Variants in FANCI observed in about 807,000 individuals in gnomAD.
FANCI encodes Fanconi anemia group I protein.
In FANCI, 156 loss-of-function variants were observed where a neutral mutation model predicts 176.1. That is an observed-to-expected ratio of 0.89 (90% CI 0.78 to 1.01). The LOEUF (loss-of-function observed/expected upper bound fraction) is 1.01, where lower values mean the gene tolerates loss of function less well. Among genes scored for constraint, FANCI ranks in the 50% least tolerant of loss-of-function variants. The pLI, the probability that FANCI is intolerant of heterozygous loss-of-function variation, is 0.00. For missense variants in FANCI, 1,678 were observed against 1,534.1 expected, an observed-to-expected ratio of 1.09 and a Z score of -1.57; for synonymous variants, 613 against 541.7, an observed-to-expected ratio of 1.13 and a Z score of -1.83.
intron 2 of FANCI, among the ~76,000 whole-genome samples, chr15:89,253,135 T>C (rs2052335241): frequency 6.6e-6 from 1 of 152,026 alleles, no homozygotes; most frequent in Non-Finnish European, 1.5e-5. Flanking sequence ...GAATAGGTAA[T>C]GCATAAGAAT....
At chr15:89,255,514 C>T (rs2052453963) in intron 2 of FANCI, among the ~76,000 whole-genome samples, 2 of 152,038 alleles carry the variant, frequency 1.3e-5, no homozygotes, top group African/African-American at 4.8e-5. Flanking sequence ...CAGAATATCA[C>T]CAATGAGGGA....
At chr15:89,297,652 GAGGCAGGAGAATC>G (rs2054353859) in intron 24 of FANCI, among the ~76,000 whole-genome samples, 1 of 151,992 alleles carries the variant, frequency 6.6e-6, no homozygotes, top group Non-Finnish European at 1.5e-5. Flanking sequence ...TCGGCAGGCT[GAGGCAGGAGAATC>G]AGGCAGGGAG....
At chr15:89,314,053 T>TCA (rs2055088358) in intron 35 of FANCI, among the ~76,000 whole-genome samples, 1 of 51,124 alleles carries the variant, frequency 2.0e-5, no homozygotes, top group African/African-American at 1.0e-4. Flanking sequence ...AGATATATAA[T>TCA]CACAGACACA....
At chr15:89,273,309 TTAAAAAAAA>T (rs2053270405) in intron 10 of FANCI, 59 bp from the exon 11 acceptor site, 17 of 752,604 alleles carry the variant, frequency 2.3e-5, no homozygotes, top group East Asian at 1.4e-4. Flanking sequence ...CTTTTTTTTT[TTAAAAAAAA>T]AAAAAAAAGA....
chr15:89,278,160 T>G (rs2053477511), intron 13 of FANCI, among the ~76,000 whole-genome samples: 1 of 152,224 alleles, frequency 6.6e-6, no homozygotes, highest in African/African-American at 2.4e-5. Context: ...GTCTGAGGTC[T>G]GAACGAATTA....
chr15:89,276,987 G>T, intron 13 of FANCI, 96 bp downstream of exon 13: 1 of 1,253,464 alleles, frequency 8.0e-7, no homozygotes, highest in South Asian at 1.2e-5. Context: ...AAGGAAATTT[G>T]AGTATGTATT....
chr15:89,256,772 G>A (rs928176236), intron 2 of FANCI, among the ~76,000 whole-genome samples: 1 of 152,118 alleles, frequency 6.6e-6, no homozygotes, highest in African/African-American at 2.4e-5. Context: ...GGTAGATCCT[G>A]GAAATTTAGT....
At chr15:89,316,249 A>C in intron 37 of FANCI, 148 bp from the exon 38 acceptor site, 1 of 804,566 alleles carries the variant, frequency 1.2e-6, no homozygotes, top group Non-Finnish European at 2.1e-6. Flanking sequence ...CTTCAACAAC[A>C]TAATTACCTC....
rs747353217 is a variant in FANCI at position 89,300,391 on chromosome 15, A to G, written c.2889+6A>G. 1 of 1,612,358 alleles carries G rather than the reference A, an allele frequency of 6.2e-7. No individual in the cohort carries two copies. Among genetic ancestry groups the G allele is most frequent in the South Asian group, 1.1e-5 (1 of 91,024 alleles). ...TCCAGATCCGGCAATTTCAGGTGAG[A>G]AGCCTTGCAAAGCTGCTGTACTGGC... is the stretch of plus-strand genomic sequence containing the variant. On this transcript the variant is annotated splice_donor_region_variant and intron_variant, in intron 26 of 37. Transcript: ENST00000310775.
rs1007541183 is a variant in FANCI, at chr15:89,316,241, TCAA to T, written c.3925-150_3925-148del. On this transcript the variant is annotated intron_variant, in intron 37 of 37. Coordinates refer to ENST00000310775, the MANE Select transcript of FANCI (RefSeq NM_001113378.2). Reference sequence around the variant, plus strand: ...ACTTTGGAGGACTCCTTCCTCTTCTTCAACAACATAATTACCTCCTGTGAGTGG... The same window carrying T: ...ACTTTGGAGGACTCCTTCCTCTTCTTCAACATAATTACCTCCTGTGAGTGG... 113 of 768,120 alleles carry T rather than the reference TCAA, an allele frequency of 1.5e-4. No homozygotes were observed. The African/African-American group carries it at 1.7e-3, about 11-fold the overall frequency. The allele number at this position is 768,120 out of a possible 1,614,324, so 47.6% of individuals were successfully genotyped here. A position where few individuals can be genotyped will look rare whatever the true frequency, so the allele number is the denominator to read the frequency against.
At chr15:89,249,833 A>G (rs1475412631) in intron 2 of FANCI, among the ~76,000 whole-genome samples, 1 of 152,252 alleles carries the variant, frequency 6.6e-6, no homozygotes, top group Non-Finnish European at 1.5e-5. Flanking sequence ...AACTAAATAA[A>G]GCACAGATTG....
intron 9 of FANCI, 85 bp from the exon 10 acceptor site, chr15:89,268,314 G>T: frequency 3.4e-6 from 5 of 1,458,710 alleles, no homozygotes; most frequent in Non-Finnish European, 4.8e-6. Flanking sequence ...CAAGTGATGC[G>T]CCCGCCTTGG....
chr15:89,279,346 C>G (rs1480652794), intron 14 of FANCI, among the ~76,000 whole-genome samples: 2 of 152,154 alleles, frequency 1.3e-5, no homozygotes, highest in Non-Finnish European at 2.9e-5. Flanking sequence ...TTAGTAGAGA[C>G]AGGGTTTCGC....
intron 9 of FANCI, among the ~76,000 whole-genome samples, chr15:89,267,448 G>A (rs2053017037): frequency 6.6e-6 from 1 of 151,864 alleles, no homozygotes; most frequent in African/African-American, 2.4e-5. Context: ...AATTAAGATG[G>A]GACTTTATTG....
intron 28 of FANCI, 65 bp downstream of exon 28, chr15:89,303,980 G>C: frequency 6.8e-7 from 1 of 1,468,476 alleles, no homozygotes; most frequent in Non-Finnish European, 9.5e-7. Flanking sequence ...GTGGCATTTG[G>C]AAAAGAAAAG....
intron 27 of FANCI, among the ~76,000 whole-genome samples, chr15:89,302,353 G>A (rs940384260): frequency 2.0e-5 from 3 of 151,998 alleles, no homozygotes; most frequent in East Asian, 1.9e-4. Flanking sequence ...TCTCATCATC[G>A]TTCTTTCATA....
intron 1 of FANCI, among the ~76,000 whole-genome samples, chr15:89,244,718 G>T (rs1287223191): frequency 6.6e-6 from 1 of 152,198 alleles, no homozygotes; most frequent in African/African-American, 2.4e-5. Context: ...GAGCTGGACA[G>T]ACTCGGGTTT....
Position 89,305,999 on chromosome 15 carries a change from C to G in FANCI, c.3350-8C>G, listed in dbSNP as rs1398425984. 6.2e-7 allele frequency: 1 copy of G among 1,614,120 alleles called. No homozygotes were observed. On this transcript the variant is annotated splice_region_variant and splice_polypyrimidine_tract_variant and intron_variant, in intron 31 of 37. Transcript: ENST00000310775. ...GGGTTTGAATGTGCCAATTTTATTT[C>G]CCTTTAGAAGAGGCCTCTTCTCAGG...
At chr15:89,275,702 G>T (rs1285786614) in intron 12 of FANCI, among the ~76,000 whole-genome samples, 7 of 152,166 alleles carry the variant, frequency 4.6e-5, no homozygotes, top group Non-Finnish European at 1.0e-4. Flanking sequence ...ATCTCTTAAA[G>T]TTGGGCTAAA....
Sources: gnomAD v4.1 joint callset for allele counts (sites outside exome capture counted in the v4.1 genomes callset) on GRCh38, gnomAD v4.1.1 for gene constraint, MANE v1.5 for transcripts, NCBI Gene and HGNC (gene_info 2026-07-23, HGNC 2026-07-21) for gene names.